The following ZFHX4 variants were observed in gnomAD, a reference collection of about 807,000 sequenced individuals.
The protein encoded by ZFHX4 is zinc finger homeobox 4, also known as zinc finger homeobox protein 4.
ZFHX4 carries 56 observed loss-of-function variants against 267.6 expected under a neutral mutation model. The ratio of observed to expected loss-of-function variants is 0.21; its 90% confidence interval spans 0.17 to 0.26. The LOEUF is 0.26. ZFHX4 is among the 10% of genes least tolerant of loss of function. The pLI is 1.00. For missense variants in ZFHX4, 4,332 were observed against 4,420.0 expected, an observed-to-expected ratio of 0.98 and a Z score of 0.56; for synonymous variants, 1,778 against 1,665.6, an observed-to-expected ratio of 1.07 and a Z score of -1.64.
At chr8:76,708,116 G>T in intron 3 of ZFHX4, 68 bp downstream of exon 3, 1 of 1,590,634 alleles carries the variant, frequency 6.3e-7, no homozygotes, top group Admixed American at 1.7e-5. Context: ...AGAGCTTGGA[G>T]CACAAGTCTC....
At chr8:76,711,208 AT>A (rs1270289547) in intron 3 of ZFHX4, among the ~76,000 whole-genome samples, 2 of 152,176 alleles carry the variant, frequency 1.3e-5, no homozygotes, top group East Asian at 3.9e-4. Flanking sequence ...TTTCCATAGA[AT>A]TTTTTTAAAA....
At chr8:76,825,978 C>T (rs561039242) in intron 4 of ZFHX4, among the ~76,000 whole-genome samples, 4 of 152,130 alleles carry the variant, frequency 2.6e-5, no homozygotes, top group African/African-American at 9.6e-5. Context: ...TATGTTAGGC[C>T]GTTTTTGCAT....
At chr8:76,766,119 C>G (rs1328283650) in intron 3 of ZFHX4, among the ~76,000 whole-genome samples, 14 of 151,850 alleles carry the variant, frequency 9.2e-5, no homozygotes, top group Admixed American at 9.2e-4. Flanking sequence ...AATGATTATA[C>G]ATAATAATAG....
chr8:76,698,769 G>A (rs78438643), intron 1 of ZFHX4, among the ~76,000 whole-genome samples: 2,362 of 152,162 alleles, frequency 0.016, 70 homozygotes, highest in African/African-American at 0.053. Flanking sequence ...TAAAAAATGT[G>A]CCTGTTTAAA....
In ZFHX4 at chr8:76,854,648, C is replaced by T. The variant is rs770824541; in HGVS notation, c.7727C>T (p.Ala2576Val). The change falls in exon 10 of 11, where the codon GCT (alanine) becomes GTT (valine). Residue 2576 changes from alanine (A) to valine (V), a missense_variant. Around this residue, in one of 7 missense-constraint regions of ZFHX4, gnomAD observed 1,648 missense variants for 1,625.0 expected, o/e 1.01. Transcript: ENST00000651372. ...ACCACAGCCCCCACAACGGTTGCTG[C>T]TTCCCTAAAAAGGAAACTAGACGAT... ...SHTTAPTTVA[A>V]SLKRKLDDKE... 196 of 1,613,676 alleles carry T rather than the reference C, an allele frequency of 1.2e-4. No homozygotes were observed. The highest frequency in any genetic ancestry group is 1.6e-4 in the Non-Finnish European group (184 of 1,179,866).
At chr8:76,839,564 G>C (rs1183964036) in intron 5 of ZFHX4, among the ~76,000 whole-genome samples, 2 of 152,048 alleles carry the variant, frequency 1.3e-5, no homozygotes, top group African/African-American at 4.8e-5. Context: ...AATGCATGTG[G>C]CATATCCATA....
At chr8:76,750,614 T>A (rs143822484) in intron 3 of ZFHX4, among the ~76,000 whole-genome samples, 12 of 152,190 alleles carry the variant, frequency 7.9e-5, no homozygotes, top group African/African-American at 2.4e-4. Context: ...GTCTTTGTGA[T>A]ATTTTCCACT....
At chr8:76,753,942 G>GC (rs957901638) in intron 3 of ZFHX4, among the ~76,000 whole-genome samples, 2 of 3,294 alleles carry the variant, frequency 6.1e-4, no homozygotes, top group African/African-American at 5.7e-3. Flanking sequence ...TTTTTTATAT[G>GC]CAAAAAAATT....
chr8:76,820,711 T>C (rs1319503655), intron 4 of ZFHX4, among the ~76,000 whole-genome samples: 2 of 152,234 alleles, frequency 1.3e-5, no homozygotes, highest in Non-Finnish European at 2.9e-5. Context: ...AAGAGTTTAA[T>C]AGGAAAGTGT....
intron 5 of ZFHX4, among the ~76,000 whole-genome samples, chr8:76,834,948 C>CTT (rs1042111354): frequency 6.9e-6 from 1 of 145,580 alleles, no homozygotes; most frequent in East Asian, 2.0e-4. Flanking sequence ...TGTCTGGACT[C>CTT]TTTTTTTTTT....
chr8:76,849,430 C>A (rs1341137711), intron 7 of ZFHX4, 82 bp from the exon 8 acceptor site: 1 of 1,302,348 alleles, frequency 7.7e-7, no homozygotes, highest in Non-Finnish European at 1.1e-6. Flanking sequence ...AAATATCACA[C>A]GTACCCCCAA....
chr8:76,682,143 A>G (rs1462015808), intron 1 of ZFHX4, among the ~76,000 whole-genome samples: 1 of 151,870 alleles, frequency 6.6e-6, no homozygotes, highest in Non-Finnish European at 1.5e-5. Context: ...CCCGATCGGG[A>G]TGACTGGTCC....
chr8:76,814,496 C>T (rs575972170), intron 4 of ZFHX4, among the ~76,000 whole-genome samples: 56 of 152,000 alleles, frequency 3.7e-4, no homozygotes, highest in Non-Finnish European at 6.8e-4. Flanking sequence ...CAAAATTATT[C>T]GTATGTACAG....
chr8:76,730,890 G>A (rs187995815), intron 3 of ZFHX4, among the ~76,000 whole-genome samples: 28 of 152,140 alleles, frequency 1.8e-4, no homozygotes, highest in African/African-American at 6.5e-4. Flanking sequence ...AATGTTTTAC[G>A]TCCATTGTCT....
intron 3 of ZFHX4, among the ~76,000 whole-genome samples, chr8:76,730,402 T>C (rs187786934): frequency 6.6e-6 from 1 of 152,324 alleles, no homozygotes; most frequent in Admixed American, 6.5e-5. Flanking sequence ...AACAGTGTAC[T>C]TTTAAAACTA....
intron 4 of ZFHX4, among the ~76,000 whole-genome samples, chr8:76,784,805 A>C (rs1810645268): frequency 6.6e-6 from 1 of 152,122 alleles, no homozygotes; most frequent in African/African-American, 2.4e-5. Flanking sequence ...AAATATAATA[A>C]AATACTGAAT....
intron 10 of ZFHX4, among the ~76,000 whole-genome samples, chr8:76,860,798 A>G (rs1487068517): frequency 1.3e-5 from 2 of 152,152 alleles, no homozygotes; most frequent in Non-Finnish European, 2.9e-5. Context: ...ACTGTGGTGA[A>G]ATCAGAATAT....
intron 3 of ZFHX4, among the ~76,000 whole-genome samples, chr8:76,745,959 G>C (rs1809447739): frequency 6.6e-6 from 1 of 152,158 alleles, no homozygotes. Context: ...TTGACAATGA[G>C]CCAAGTACAG....
chr8:76,694,334 T>C (rs1030164617), intron 1 of ZFHX4, among the ~76,000 whole-genome samples: 1 of 152,212 alleles, frequency 6.6e-6, no homozygotes, highest in African/African-American at 2.4e-5. Flanking sequence ...TGGAATTGTT[T>C]TTGATAATCC....
Sources: gnomAD v4.1 joint callset for allele counts (sites outside exome capture counted in the v4.1 genomes callset) on GRCh38, gnomAD v4.1.1 for gene constraint, gnomAD v4.1.1 regional missense constraint, MANE v1.5 for transcripts, NCBI Gene and HGNC (gene_info 2026-07-23, HGNC 2026-07-21) for gene names.